DYNLT2B: variants seen among roughly 807,000 people sequenced by gnomAD.
DYNLT2B encodes dynein light chain Tctex-type 2B.
In DYNLT2B, 14 loss-of-function variants were observed where a neutral mutation model predicts 19.5. The observed-to-expected ratio is 0.72, with a 90% confidence interval of 0.47 to 1.12. The LOEUF is 1.12. Ranked by LOEUF, DYNLT2B falls within the 50% of genes most tolerant of loss-of-function variation. The pLI is 0.00. For missense variants in DYNLT2B, 133 were observed against 174.7 expected (o/e 0.76, Z 1.35); for synonymous variants, 70 against 59.7 (o/e 1.17, Z -0.79).
chr3:196,294,165 G>A (rs1390438778), intron 4 of DYNLT2B, among the ~76,000 whole-genome samples: 2 of 151,808 alleles, frequency 1.3e-5, no homozygotes, highest in East Asian at 2.0e-4. Flanking sequence ...CAACCTAACC[G>A]ACATGGAGAA....
At chr3:196,292,676 G>T (rs1435214241) in intron 4 of DYNLT2B, 2 of 151,964 alleles carry the variant, frequency 1.3e-5, no homozygotes, top group Non-Finnish European at 2.9e-5. Flanking sequence ...TAACAAACAG[G>T]TCACAGAGCC....
intron 1 of DYNLT2B, among the ~76,000 whole-genome samples, chr3:196,317,063 G>T (rs1275383621): frequency 2.4e-4 from 7 of 28,868 alleles, no homozygotes; most frequent in African/African-American, 1.1e-3. Flanking sequence ...TGTGTGTGTG[G>T]TGTGTGTGTG....
chr3:196,302,894 T>C (rs1232304245), intron 3 of DYNLT2B, among the ~76,000 whole-genome samples: 1 of 151,862 alleles, frequency 6.6e-6, no homozygotes, highest in Non-Finnish European at 1.5e-5. Context: ...ATTTATAGTT[T>C]AAAACAAAGA....
chr3:196,308,807 A>G (rs1327565950), intron 2 of DYNLT2B, among the ~76,000 whole-genome samples: 1 of 152,180 alleles, frequency 6.6e-6, no homozygotes. Flanking sequence ...TCCTTTCTCT[A>G]ACCAATCCCA....
intron 1 of DYNLT2B, 109 bp downstream of exon 1, chr3:196,317,931 G>A: frequency 2.1e-6 from 1 of 479,806 alleles, no homozygotes; most frequent in Non-Finnish European, 3.1e-6. Context: ...CCCGCCCCGC[G>A]GACCCCGCGC....
chr3:196,297,555 GA>G lies in DYNLT2B; in HGVS notation c.318-1487del, dbSNP rs550796431. Among the ~76,000 whole-genome samples, 692 of 145,760 alleles carry G rather than the reference GA, an allele frequency of 4.7e-3. 16 individuals carry two copies. The South Asian group carries it at 0.074, about 16-fold the overall frequency. ...CTAATAATAAATAATAATAATAAGT[GA>G]AAAAAAAATTACAAATGTTTTACAT... On this transcript the variant is annotated intron_variant, in intron 3 of 4. Transcript: ENST00000325318.
chr3:196,300,969 G>C (rs1038452732), intron 3 of DYNLT2B, among the ~76,000 whole-genome samples: 23 of 151,584 alleles, frequency 1.5e-4, no homozygotes, highest in African/African-American at 5.1e-4. Flanking sequence ...TGAAGCAGGA[G>C]GATCACTTGA....
intron 2 of DYNLT2B, among the ~76,000 whole-genome samples, chr3:196,311,807 C>G (rs925187250): frequency 1.3e-5 from 2 of 152,078 alleles, no homozygotes; most frequent in African/African-American, 4.8e-5. Context: ...CTGTCTCAGC[C>G]TCCCAAGAAA....
At position 196,296,046 on chromosome 3, in the gene DYNLT2B, T is replaced by G. The variant is rs1305195555; in HGVS notation, c.341A>C (p.Asp114Ala). ...ATGAGTATAGTTGTCAGTGTCAGCA[T>G]CCCAGAAACAGCGAGAAGCCATGCT... Reference protein sequence around the residue: ...GVFMASRCFWDADTDNYTHDV... With the variant: ...GVFMASRCFWAADTDNYTHDV... Residue 114 changes from aspartate to alanine, a missense_variant, in exon 4 of 5, where the codon GAT becomes GCT. Coordinates refer to ENST00000325318, the MANE Select transcript of DYNLT2B (RefSeq NM_152773.5). The G allele has an allele frequency of 6.2e-7, 1 of 1,613,898 alleles. No individual in the cohort carries two copies.
At chr3:196,292,955 G>A (rs895688942) in intron 4 of DYNLT2B, among the ~76,000 whole-genome samples, 1 of 152,194 alleles carries the variant, frequency 6.6e-6, no homozygotes, top group Non-Finnish European at 1.5e-5. Context: ...CTGGGTTCAA[G>A]CAATTCTCCT....
intron 2 of DYNLT2B, among the ~76,000 whole-genome samples, 158 bp from the exon 3 acceptor site, chr3:196,307,170 A>C (rs1324755480): frequency 6.6e-6 from 1 of 152,230 alleles, no homozygotes; most frequent in Non-Finnish European, 1.5e-5. Context: ...GGCAGATCCT[A>C]ACTATAACTC....
intron 4 of DYNLT2B, chr3:196,292,657 A>G (rs1726119377): frequency 1.3e-5 from 2 of 152,102 alleles, no homozygotes; most frequent in South Asian, 4.1e-4. Flanking sequence ...TTACCTCATC[A>G]TGGACCTGTA....
rs955881964 is a variant in DYNLT2B, at chr3:196,307,070, A to T, written c.248-58T>A. On this transcript the variant is annotated intron_variant, in intron 2 of 4. Transcript: ENST00000325318. ...AATATGTAGTAAAATTACTTATTGA[A>T]GACAAATTTGCCCAGAAATGGACAT... The T allele has an allele frequency of 5.3e-6, 8 of 1,501,560 alleles. No homozygotes were observed. In the African/African-American group the frequency reaches 9.7e-5, roughly 18 times the overall value. 93.0% of individuals were successfully genotyped at this position (1,501,560 alleles called of 1,614,324 possible). A position where few individuals can be genotyped will look rare whatever the true frequency, so the allele number is the denominator to read the frequency against.
intron 2 of DYNLT2B, among the ~76,000 whole-genome samples, chr3:196,310,799 G>C (rs1022966370): frequency 2.0e-5 from 3 of 151,794 alleles, no homozygotes; most frequent in African/African-American, 7.3e-5. Context: ...GCAGTGGGGC[G>C]ATCTCGGCTC....
Position 196,318,224 on chromosome 3 carries a change from GA to G in DYNLT2B, c.-73del. 1.1e-6 allele frequency: 1 copy of G among 880,822 alleles called. No individual in the cohort carries two copies. The allele number at this position is 880,822 out of a possible 1,614,324, so 54.6% of individuals were successfully genotyped here. A position where few individuals can be genotyped will look rare whatever the true frequency, so the allele number is the denominator to read the frequency against. On this transcript the variant is annotated 5_prime_UTR_variant, in exon 1 of 5. Coordinates refer to ENST00000325318, the MANE Select transcript of DYNLT2B (RefSeq NM_152773.5). ...GGTTGCGGTCGCGGCCGGCAGCAGGGAAAGCGTCTCCAGGGCAACAGGGCCG... is the reference window on the plus strand; with the variant it reads ...GGTTGCGGTCGCGGCCGGCAGCAGGGAAGCGTCTCCAGGGCAACAGGGCCG...
chr3:196,300,477 C>G (rs890611426), intron 3 of DYNLT2B, among the ~76,000 whole-genome samples: 1 of 152,148 alleles, frequency 6.6e-6, no homozygotes, highest in Non-Finnish European at 1.5e-5. Context: ...CGCCCATAAT[C>G]CCAGCAGTTT....
At chr3:196,291,428 G>A in intron 4 of DYNLT2B, 54 bp from the exon 5 acceptor site, 1 of 1,555,396 alleles carries the variant, frequency 6.4e-7, no homozygotes, top group Non-Finnish European at 8.7e-7. Flanking sequence ...ACTAAAGAGG[G>A]AATGAGAGCA....
intron 3 of DYNLT2B, among the ~76,000 whole-genome samples, chr3:196,302,654 T>C (rs887038503): frequency 1.3e-5 from 2 of 152,198 alleles, no homozygotes; most frequent in Non-Finnish European, 2.9e-5. Flanking sequence ...GCAGATACGA[T>C]GCCCTTGAGG....
At chr3:196,311,693 A>T (rs1342633946) in intron 2 of DYNLT2B, among the ~76,000 whole-genome samples, 4 of 140,192 alleles carry the variant, frequency 2.9e-5, no homozygotes, top group African/African-American at 1.0e-4. Flanking sequence ...TTATTTATTT[A>T]TTTATTTTGA....
Sources: gnomAD v4.1 joint callset for allele counts (sites outside exome capture counted in the v4.1 genomes callset) on GRCh38, gnomAD v4.1.1 for gene constraint, MANE v1.5 for transcripts, NCBI Gene and HGNC (gene_info 2026-07-23, HGNC 2026-07-21) for gene names.